Variants in THOP1 observed in about 807,000 individuals in gnomAD.
The protein encoded by THOP1 is thimet oligopeptidase 1, also known as thimet oligopeptidase.
In THOP1, 49 loss-of-function variants were observed where a neutral mutation model predicts 71.8. That is an observed-to-expected ratio of 0.68 (90% CI 0.54 to 0.87). THOP1 has a LOEUF of 0.87. Among genes scored for constraint, THOP1 ranks in the 40% least tolerant of loss-of-function variants. The pLI is 0.00. For missense variants in THOP1, 843 were observed against 975.6 expected, an observed-to-expected ratio of 0.86 and a Z score of 1.81; for synonymous variants, 426 against 421.5, an observed-to-expected ratio of 1.01 and a Z score of -0.13.
At chr19:2,787,578 A>G (rs1378928815) in intron 1 of THOP1, among the ~76,000 whole-genome samples, 1 of 152,196 alleles carries the variant, frequency 6.6e-6, no homozygotes, top group Non-Finnish European at 1.5e-5. Context: ...CAGTTCTAAA[A>G]TCCTAAATAC....
intron 4 of THOP1, among the ~76,000 whole-genome samples, chr19:2,797,058 C>T (rs780297885): frequency 6.6e-6 from 1 of 152,180 alleles, no homozygotes; most frequent in Non-Finnish European, 1.5e-5. Context: ...GGCAGCTCGC[C>T]ACATGGGAAG....
rs1200989877 is a variant in THOP1 at position 2,805,343 on chromosome 19, C to T, written c.750+167C>T. Among the ~76,000 whole-genome samples the T allele has an allele frequency of 6.6e-6, 1 of 152,192 alleles. No individual in the cohort carries two copies. Among genetic ancestry groups the T allele is most frequent in the Non-Finnish European group, 1.5e-5 (1 of 68,026 alleles). On this transcript the variant is annotated intron_variant, in intron 6 of 12. Transcript: ENST00000307741. The surrounding 1 kb of genome is among the most constrained non-coding windows in gnomAD (Gnocchi z 6.6). ...GGCCTCCCTGTGGGGCTCTGCCGTG[C>T]CCTGGAGGTGTCTGTGCTGGGCTCC...
intron 12 of THOP1, chr19:2,812,102 G>A (rs975599691): frequency 2.8e-5 from 38 of 1,369,764 alleles, no homozygotes; most frequent in African/African-American, 4.4e-5. Context: ...GAGTCCTTCC[G>A]GGATCTGCGT....
At chr19:2,786,012 A>G (rs1299940038) in intron 1 of THOP1, among the ~76,000 whole-genome samples, 1 of 152,210 alleles carries the variant, frequency 6.6e-6, no homozygotes, top group Non-Finnish European at 1.5e-5. Context: ...AAATTAAATA[A>G]GAGAGGATCG....
chr19:2,790,720 G>T (rs573664985), intron 2 of THOP1, 87 bp downstream of exon 2: 122 of 1,275,502 alleles, frequency 9.6e-5, no homozygotes, highest in Non-Finnish European at 1.2e-4. Context: ...CGTGGAGCCG[G>T]TTCAGAACCT....
At chr19:2,793,190 A>G (rs1036686888) in intron 2 of THOP1, among the ~76,000 whole-genome samples, 1 of 151,834 alleles carries the variant, frequency 6.6e-6, no homozygotes, top group East Asian at 1.9e-4. Context: ...AAACAAACAA[A>G]AAAAAACCCA....
At chr19:2,807,295 A>C (rs1418959888) in intron 7 of THOP1, 147 bp from the exon 8 acceptor site, 1 of 1,334,498 alleles carries the variant, frequency 7.5e-7, no homozygotes, top group East Asian at 2.5e-5. Flanking sequence ...GAGCGTGAGG[A>C]TGCTCGGCCC....
At chr19:2,793,414 G>A (rs911149450) in intron 2 of THOP1, among the ~76,000 whole-genome samples, 3 of 152,030 alleles carry the variant, frequency 2.0e-5, no homozygotes, top group Non-Finnish European at 2.9e-5. Flanking sequence ...CCACATGGCC[G>A]GGTGCAGTGG....
intron 3 of THOP1, 32 bp downstream of exon 3, chr19:2,794,944 C>T: frequency 6.3e-7 from 1 of 1,589,718 alleles, no homozygotes; most frequent in Non-Finnish European, 8.6e-7. Context: ...TGCAAATAGC[C>T]TCCCAAGTAA....
intron 2 of THOP1, among the ~76,000 whole-genome samples, chr19:2,792,136 G>C (rs568791907): frequency 2.6e-5 from 4 of 152,112 alleles, no homozygotes; most frequent in African/African-American, 9.7e-5. Flanking sequence ...TTGTCTAATC[G>C]GTCGCCCGTA....
intron 11 of THOP1, among the ~76,000 whole-genome samples, chr19:2,811,373 T>G (rs1273169050): frequency 6.6e-6 from 1 of 152,206 alleles, no homozygotes; most frequent in Non-Finnish European, 1.5e-5. Context: ...ACAGCCCCGT[T>G]AAATGAGCTC....
rs753642438 is a variant in THOP1 at position 2,810,351 on chromosome 19, G to A, written c.1503G>A (p.Val501=). 8 of 1,611,630 alleles carry A rather than the reference G, an allele frequency of 5.0e-6. No homozygotes were observed. The highest frequency in any genetic ancestry group is 1.1e-5 in the South Asian group (1 of 91,012). The part of the protein sequence containing the change: ...FSGTHVERDF[V]EAPSQMLENW... ...GGACCCACGTGGAGCGGGACTTTGT[G>A]GAGGCGCCGTCGCAGATGCTGGAGA... The change falls in exon 10 of 13, where the codon GTG becomes GTA. Residue 501 remains valine, a synonymous_variant. Coordinates refer to ENST00000307741, the MANE Select transcript of THOP1 (RefSeq NM_003249.5).
At position 2,807,047 on chromosome 19, in the gene THOP1, TC is replaced by T; in HGVS notation, c.883del (p.Leu295Ter). On this transcript the variant is annotated frameshift_variant, in exon 7 of 13. Coordinates refer to ENST00000307741, the MANE Select transcript of THOP1 (RefSeq NM_003249.5). LOFTEE classifies it high-confidence loss of function. ...AAGACCAGCCAGACCGTGGCCACCT[TC>T]CTAGGTAGCCCTTCCTTCCTCCTCC... ...MAKTSQTVAT[F>X]LDELAQKLKP... 6.2e-7 allele frequency: 1 copy of T among 1,608,636 alleles called. No individual in the cohort carries two copies. The highest frequency in any genetic ancestry group is 8.5e-7 in the Non-Finnish European group (1 of 1,177,936).
chr19:2,789,497 C>T (rs1255228213), intron 1 of THOP1, among the ~76,000 whole-genome samples: 2 of 152,328 alleles, frequency 1.3e-5, no homozygotes, highest in Admixed American at 6.5e-5. Context: ...GGGTCTGGCA[C>T]GACCACACGC....
At position 2,810,451 on chromosome 19, in the gene THOP1, C is replaced by T. The variant is rs1477712089; in HGVS notation, c.1603C>T (p.Leu535Phe). Reference sequence around the variant, plus strand: ...CACAGGCAGCGCCGTGCCCCGGGAGCTCCTGGAGAAGCTCATTGAGTCCCG... The same window carrying T: ...CACAGGCAGCGCCGTGCCCCGGGAGTTCCTGGAGAAGCTCATTGAGTCCCG... ...YRTGSAVPRE[L>F]LEKLIESRQA... Residue 535 changes from leucine to phenylalanine, a missense_variant, in exon 10 of 13, where the codon CTC becomes TTC. Leu to Phe is a conservative substitution (Grantham distance 22, BLOSUM62 0). Transcript: ENST00000307741. 1.9e-6 allele frequency: 3 copies of T among 1,582,706 alleles called. No homozygotes were observed. Among genetic ancestry groups the T allele is most frequent in the Non-Finnish European group, 2.6e-6 (3 of 1,166,698 alleles).
intron 9 of THOP1, among the ~76,000 whole-genome samples, chr19:2,808,996 C>A (rs1916386750): frequency 6.6e-6 from 1 of 152,210 alleles, no homozygotes; most frequent in Non-Finnish European, 1.5e-5. Context: ...AGCTCAAGAC[C>A]AGCCTGGCCA....
Position 2,813,457 on chromosome 19 carries a change from G to A in THOP1, c.*181G>A. The A allele has an allele frequency of 1.3e-6, 1 of 744,074 alleles. No individual in the cohort carries two copies. Among genetic ancestry groups the A allele is most frequent in the Non-Finnish European group, 2.1e-6 (1 of 479,876 alleles). 46.1% of individuals were successfully genotyped at this position (744,074 alleles called of 1,614,324 possible). A position where few individuals can be genotyped will look rare whatever the true frequency, so the allele number is the denominator to read the frequency against. On this transcript the variant is annotated 3_prime_UTR_variant, in exon 13 of 13. Transcript: ENST00000307741. ...GTCGTGGCCCACCCGGCTAGAGACG[G>A]CGTCCTCAAGGCATCTGGAGGGCTT...
intron 3 of THOP1, 144 bp from the exon 4 acceptor site, chr19:2,795,929 ACAGGTCGT>A: frequency 1.7e-6 from 1 of 596,254 alleles, no homozygotes; most frequent in Non-Finnish European, 3.0e-6. Flanking sequence ...TTATGTAGAG[ACAGGTCGT>A]CATTTCTCTG....
intron 4 of THOP1, among the ~76,000 whole-genome samples, chr19:2,799,080 C>A (rs1199216835): frequency 6.6e-6 from 1 of 152,194 alleles, no homozygotes; most frequent in Non-Finnish European, 1.5e-5. Flanking sequence ...AATCCCAGCA[C>A]TTTGGGAGGC....
Sources: gnomAD v4.1 joint callset for allele counts (sites outside exome capture counted in the v4.1 genomes callset) on GRCh38, gnomAD v4.1.1 for gene constraint, Gnocchi (gnomAD v3.1) non-coding constraint, MANE v1.5 for transcripts, NCBI Gene and HGNC (gene_info 2026-07-23, HGNC 2026-07-21) for gene names.